The following STARD7 variants were observed in gnomAD, a reference collection of about 807,000 sequenced individuals.
STARD7 encodes StAR related lipid transfer domain containing 7.
STARD7 carries 30 observed loss-of-function variants against 45.3 expected under a neutral mutation model. That is an observed-to-expected ratio of 0.66 (90% CI 0.50 to 0.90). The LOEUF is 0.90. STARD7 is among the 40% of genes least tolerant of loss of function. The pLI is 0.00. For missense variants in STARD7, 495 were observed against 491.3 expected (o/e 1.01, Z -0.07); for synonymous variants, 199 against 183.0 (o/e 1.09, Z -0.70).
At chr2:96,203,429 T>C (rs1366410685) in intron 1 of STARD7, among the ~76,000 whole-genome samples, 1 of 152,132 alleles carries the variant, frequency 6.6e-6, no homozygotes, top group Non-Finnish European at 1.5e-5. Context: ...CCGAAAGCTA[T>C]AGAAACTGAA....
chr2:96,200,788 C>T (rs1005824382), intron 1 of STARD7, among the ~76,000 whole-genome samples: 2 of 152,238 alleles, frequency 1.3e-5, no homozygotes, highest in African/African-American at 4.8e-5. Flanking sequence ...GTAGCTGGCA[C>T]AATAGGCGTG....
chr2:96,191,604 G>GGC (rs1683126378), intron 6 of STARD7, among the ~76,000 whole-genome samples: 1 of 150,784 alleles, frequency 6.6e-6, no homozygotes, highest in Admixed American at 6.6e-5. Context: ...CTTGAATCAT[G>GGC]TCTTCTAACC....
chr2:96,188,148 C>A (rs1683065796), intron 6 of STARD7: 1 of 150,802 alleles, frequency 6.6e-6, no homozygotes, highest in South Asian at 2.1e-4. Context: ...TGGTGGTACA[C>A]GCCTGTAATC....
Position 96,208,522 on chromosome 2 carries a change from A to C in STARD7, c.-88T>G. On this transcript the variant is annotated 5_prime_UTR_variant, in exon 1 of 8. It adds an upstream start codon to the 5' untranslated region. Coordinates refer to ENST00000337288, the MANE Select transcript of STARD7 (RefSeq NM_020151.4). ...AGGCGGTGGTCGCAGCGTCCCCCTA[A>C]ATGGCCGGCCACGAACCCGTCTCAC... is the stretch of plus-strand genomic sequence containing the variant. 13 of 1,178,806 alleles carry C rather than the reference A, an allele frequency of 1.1e-5. No homozygotes were observed. Among genetic ancestry groups the C allele is most frequent in the Non-Finnish European group, 1.4e-5 (13 of 907,430 alleles). The allele number at this position is 1,178,806 out of a possible 1,614,324, so 73.0% of individuals were successfully genotyped here. A position where few individuals can be genotyped will look rare whatever the true frequency, so the allele number is the denominator to read the frequency against.
At chr2:96,202,281 G>A (rs1683318855) in intron 1 of STARD7, among the ~76,000 whole-genome samples, 1 of 152,168 alleles carries the variant, frequency 6.6e-6, no homozygotes, top group Admixed American at 6.5e-5. Flanking sequence ...CAATCTGGGG[G>A]AAAGAATGCC....
At position 96,186,812 on chromosome 2, in the gene STARD7, C is replaced by T; in HGVS notation, c.1031G>A (p.Ser344Asn). 6.2e-7 allele frequency: 1 copy of T among 1,613,990 alleles called. No homozygotes were observed. The highest frequency in any genetic ancestry group is 1.1e-5 in the South Asian group (1 of 91,082). The change falls in exon 8 of 8, where the codon AGT becomes AAT. Residue 344 changes from serine to asparagine, a missense_variant. By Grantham distance (46) the Ser-to-Asn change is conservative. This residue lies in a region of STARD7 where 213 missense variants were observed against 271.2 expected (regional missense o/e 0.79). Transcript: ENST00000337288. ...CTGGCTGGTGGCCTTGGCTTCACTA[C>T]TCATTTCCAGAGGCTTAGCTGAGAT... ...DYISAKPLEM[S>N]SEAKATSQSS...
chr2:96,192,277 G>A (rs770144473), intron 6 of STARD7, 92 bp downstream of exon 6: 16 of 1,030,602 alleles, frequency 1.6e-5, no homozygotes, highest in Non-Finnish European at 2.0e-5. Context: ...CTGTTCCTGC[G>A]CCACACCCCC....
chr2:96,189,231 G>T (rs1270884024), intron 6 of STARD7, among the ~76,000 whole-genome samples: 1 of 152,166 alleles, frequency 6.6e-6, no homozygotes, highest in East Asian at 1.9e-4. Context: ...TTACAGGCAT[G>T]AGCTACCGTG....
intron 6 of STARD7, 66 bp from the exon 7 acceptor site, chr2:96,187,367 C>G: frequency 3.1e-6 from 3 of 981,558 alleles, no homozygotes; most frequent in Non-Finnish European, 4.9e-6. Context: ...ATATCCAGTA[C>G]CATAGAATAA....
chr2:96,187,535 T>C (rs1474889885), intron 6 of STARD7: 2 of 457,838 alleles, frequency 4.4e-6, no homozygotes, highest in Non-Finnish European at 8.0e-6. Flanking sequence ...TTAGCTGATA[T>C]GGGTGGCTCC....
intron 1 of STARD7, among the ~76,000 whole-genome samples, chr2:96,201,498 G>C (rs1029489469): frequency 1.3e-5 from 2 of 151,548 alleles, no homozygotes; most frequent in African/African-American, 4.9e-5. Context: ...AGAGGTGGGA[G>C]AATCACCTGA....
chr2:96,187,787 ATC>A (rs1267760660), intron 6 of STARD7: 4 of 152,398 alleles, frequency 2.6e-5, no homozygotes, highest in Admixed American at 6.6e-5. Context: ...GTGAAACCCC[ATC>A]TCTACCAAAA....
Position 96,193,174 on chromosome 2 carries a change from G to A in STARD7, c.661-14C>T. 6.2e-7 allele frequency: 1 copy of A among 1,605,468 alleles called. No homozygotes were observed. The highest frequency in any genetic ancestry group is 8.5e-7 in the Non-Finnish European group (1 of 1,172,154). On this transcript the variant is annotated splice_polypyrimidine_tract_variant and intron_variant, in intron 4 of 7. Transcript: ENST00000337288. ...GTACATTGGATACTAAAGAAATGGA[G>A]GAGCAGGATTAGTGTTCTGCATCAC... is the stretch of plus-strand genomic sequence containing the variant.
rs1683253196 is a variant in STARD7, at chr2:96,198,130, C to A, written c.291-2581G>T. Among the ~76,000 whole-genome samples the A allele has an allele frequency of 7.9e-5, 12 of 152,150 alleles. No homozygotes were observed. The South Asian group carries it at 2.5e-3, about 32-fold the overall frequency. ...TCTGAGGTTGAGTTCGAGACCCAGC[C>A]TGGCCAACATGGCAAAACCCCATTT... On this transcript the variant is annotated intron_variant, in intron 1 of 7. Transcript: ENST00000337288.
chr2:96,208,674 C>G lies in STARD7; in HGVS notation c.-240G>C. The stretch of plus-strand genomic sequence containing the variant: ...GGCTCCGCGACTGCTACACCAGGCA[C>G]TCCTGGGCCCGGGCAGCAGACCAGT... On this transcript the variant is annotated 5_prime_UTR_variant, in exon 1 of 8. Transcript: ENST00000337288. 2.2e-6 allele frequency: 1 copy of G among 447,748 alleles called. No homozygotes were observed. Among genetic ancestry groups the G allele is most frequent in the Non-Finnish European group, 3.9e-6 (1 of 255,882 alleles). The allele number at this position is 447,748 out of a possible 1,614,324, so 27.7% of individuals were successfully genotyped here.
intron 6 of STARD7, among the ~76,000 whole-genome samples, chr2:96,189,475 C>A (rs116461379): frequency 3.9e-5 from 6 of 152,088 alleles, no homozygotes; most frequent in South Asian, 2.1e-4. Flanking sequence ...AAGGCCGAGG[C>A]GGGCGGATCA....
intron 1 of STARD7, among the ~76,000 whole-genome samples, chr2:96,202,261 G>C (rs1007973455): frequency 9.2e-5 from 14 of 152,144 alleles, no homozygotes; most frequent in African/African-American, 3.4e-4. Flanking sequence ...TGGGAGTCCA[G>C]GAGTACAACC....
intron 1 of STARD7, among the ~76,000 whole-genome samples, chr2:96,201,567 A>G (rs1021715410): frequency 6.7e-6 from 1 of 148,522 alleles, no homozygotes; most frequent in African/African-American, 2.5e-5. Flanking sequence ...CAGCCTGGCA[A>G]CAGAGTAAGA....
chr2:96,194,274 G>A (rs1683169940), intron 3 of STARD7, among the ~76,000 whole-genome samples: 1 of 151,826 alleles, frequency 6.6e-6, no homozygotes, highest in Non-Finnish European at 1.5e-5. Context: ...GATCACTTGA[G>A]TCCAGGAAAC....
Sources: allele counts gnomAD v4.1 joint callset (sites outside exome capture counted in the v4.1 genomes callset), GRCh38; gene constraint gnomAD v4.1.1; regional missense constraint gnomAD v4.1.1; transcripts MANE v1.5; gene names NCBI Gene and HGNC (gene_info 2026-07-23, HGNC 2026-07-21).